The following AMBRA1 variants were observed in gnomAD, a reference collection of about 807,000 sequenced individuals.
The protein encoded by AMBRA1 is activating molecule in BECN1-regulated autophagy protein 1.
Under a neutral mutation model 125.4 loss-of-function variants are expected in AMBRA1, and 47 were observed. The observed-to-expected ratio is 0.37, with a 90% CI of 0.30 to 0.48. The LOEUF is 0.48. Ranked by LOEUF, AMBRA1 falls within the 20% of genes least tolerant of loss-of-function variation. The probability of loss-of-function intolerance (pLI) is 0.99; values close to 1 mark genes in which losing one functional copy is unlikely to be tolerated. For missense variants in AMBRA1, 1,331 were observed against 1,693.4 expected, an observed-to-expected ratio of 0.79 and a Z score of 3.76; for synonymous variants, 626 against 655.5, an observed-to-expected ratio of 0.95 and a Z score of 0.69.
In AMBRA1 at chr11:46,542,839, C is replaced by T. The variant is rs773779272; in HGVS notation, c.1178G>A (p.Arg393His). ...LRNLSLGPTR[R>H]SLGGPLSSHP... ...GCTAGACAGAGGCCCTCCCAAAGAG[C>T]GGCGGGTAGGACCCAGACTGAGGTT... Residue 393 changes from arginine to histidine, a missense_variant, in exon 7 of 18, where the codon CGC (arginine) becomes CAC (histidine). Physicochemically the swap from Arg to His is conservative, Grantham distance 29. Coordinates refer to ENST00000683756, the MANE Select transcript of AMBRA1 (RefSeq NM_001387011.1). This position sits in a 1 kb window ranked among gnomAD's most constrained non-coding sequence, Gnocchi z 5.9. 10 of 1,613,810 alleles carry T rather than the reference C, an allele frequency of 6.2e-6. No individual in the cohort carries two copies. The highest frequency in any genetic ancestry group is 1.7e-5 in the Admixed American group (1 of 60,000).
rs540074108 is a variant in AMBRA1 at position 46,426,247 on chromosome 11, A to T, written c.2976+7227T>A. On this transcript the variant is annotated intron_variant, in intron 14 of 17. Coordinates refer to ENST00000683756, the MANE Select transcript of AMBRA1 (RefSeq NM_001387011.1). Reference sequence around the variant, plus strand: ...GGACATGCAGAGAAACCCAGGGCACATGAGATTTCAAAGTAACACACACTT... The same window carrying T: ...GGACATGCAGAGAAACCCAGGGCACTTGAGATTTCAAAGTAACACACACTT... Among the ~76,000 whole-genome samples the T allele has an allele frequency of 6.3e-4, 96 of 152,264 alleles. 2 individuals are homozygous for T. In the South Asian group the frequency reaches 0.019, roughly 31 times the overall value.
intron 12 of AMBRA1, among the ~76,000 whole-genome samples, chr11:46,435,925 T>A (rs552043088): frequency 3.5e-4 from 53 of 152,320 alleles, no homozygotes; most frequent in African/African-American, 1.3e-3. Context: ...ACCGTGTGAT[T>A]CCCTGCCAGG....
intron 15 of AMBRA1, among the ~76,000 whole-genome samples, chr11:46,412,712 A>G (rs918922363): frequency 2.0e-5 from 3 of 152,156 alleles, no homozygotes; most frequent in Admixed American, 6.5e-5. Flanking sequence ...TTCCTCTTCT[A>G]AACAGCCATT....
At chr11:46,481,323 G>A (rs776100533) in intron 11 of AMBRA1, among the ~76,000 whole-genome samples, 158 of 152,168 alleles carry the variant, frequency 1.0e-3, no homozygotes, top group Non-Finnish European at 1.8e-3. Flanking sequence ...GAAAGGATCT[G>A]CGACAAGGAT....
At chr11:46,580,206 G>T (rs1171661052) in intron 1 of AMBRA1, among the ~76,000 whole-genome samples, 4 of 152,118 alleles carry the variant, frequency 2.6e-5, no homozygotes, top group Non-Finnish European at 5.9e-5. Flanking sequence ...TCCTATGTTG[G>T]TTTCTCTAAT....
intron 7 of AMBRA1, among the ~76,000 whole-genome samples, chr11:46,538,469 CA>C (rs541804851): frequency 6.6e-6 from 1 of 151,982 alleles, no homozygotes; most frequent in Non-Finnish European, 1.5e-5. Context: ...AATACTTAAA[CA>C]AAAAATTATG....
At chr11:46,430,316 A>C (rs1019214584) in intron 14 of AMBRA1, among the ~76,000 whole-genome samples, 4 of 152,242 alleles carry the variant, frequency 2.6e-5, no homozygotes, top group African/African-American at 4.8e-5. Context: ...CACCATGCAC[A>C]AAACCACAAT....
At chr11:46,460,324 C>CTTT (rs397847968) in intron 11 of AMBRA1, among the ~76,000 whole-genome samples, 49 of 139,914 alleles carry the variant, frequency 3.5e-4, no homozygotes, top group Non-Finnish European at 6.3e-4. Context: ...AAACACAACT[C>CTTT]TTTTTTTTTT....
At chr11:46,543,474 C>T in intron 6 of AMBRA1, 76 bp from the exon 7 acceptor site, 1 of 1,544,578 alleles carries the variant, frequency 6.5e-7, no homozygotes, top group Non-Finnish European at 8.8e-7. Flanking sequence ...TCAAGAAAAA[C>T]TAACCACTGA....
intron 1 of AMBRA1, among the ~76,000 whole-genome samples, chr11:46,578,293 C>A (rs529215464): frequency 6.4e-4 from 97 of 151,784 alleles, no homozygotes; most frequent in Non-Finnish European, 1.1e-3. Context: ...TCGAGACCAG[C>A]TGGGTCAACA....
At chr11:46,579,045 T>TAAAAAAAAAAA (rs11393945) in intron 1 of AMBRA1, among the ~76,000 whole-genome samples, 3 of 68,026 alleles carry the variant, frequency 4.4e-5, no homozygotes, top group African/African-American at 1.1e-4. Context: ...AAGAAAGCAA[T>TAAAAAAAAAAA]AAAAAAAAAA....
chr11:46,535,334 T>C (rs1482859434), intron 7 of AMBRA1, among the ~76,000 whole-genome samples: 9 of 152,122 alleles, frequency 5.9e-5, no homozygotes, highest in Admixed American at 5.9e-4. Flanking sequence ...AACTTTCTGC[T>C]AACTAACATA....
At chr11:46,408,740 G>C in intron 16 of AMBRA1, 34 bp from the exon 17 acceptor site, 1 of 1,493,104 alleles carries the variant, frequency 6.7e-7, no homozygotes, top group South Asian at 1.4e-5. Flanking sequence ...AGTCAGATGG[G>C]GCTTGGGACA....
At chr11:46,398,639 CAGCT>C (rs1945570400) in intron 17 of AMBRA1, among the ~76,000 whole-genome samples, 1 of 152,084 alleles carries the variant, frequency 6.6e-6, no homozygotes, top group South Asian at 2.1e-4. Flanking sequence ...CCACCACACC[CAGCT>C]AATTTTATAT....
intron 7 of AMBRA1, among the ~76,000 whole-genome samples, chr11:46,520,100 T>C (rs185096189): frequency 4.5e-4 from 67 of 149,664 alleles, no homozygotes; most frequent in Middle Eastern, 3.5e-3. Flanking sequence ...GATGGCGCCA[T>C]TGCACTCCAG....
chr11:46,429,021 G>T, intron 14 of AMBRA1: 1 of 1,611,944 alleles, frequency 6.2e-7, no homozygotes, highest in South Asian at 1.1e-5. Flanking sequence ...TTCATGACAT[G>T]AAGGTTGGGC....
chr11:46,480,721 C>A (rs1242515237), intron 11 of AMBRA1, among the ~76,000 whole-genome samples: 1 of 152,152 alleles, frequency 6.6e-6, no homozygotes, highest in African/African-American at 2.4e-5. Flanking sequence ...AGGCTCTTTG[C>A]TCTACAACTT....
chr11:46,557,484 G>T (rs1187547676), intron 1 of AMBRA1, among the ~76,000 whole-genome samples: 5 of 152,166 alleles, frequency 3.3e-5, no homozygotes, highest in African/African-American at 2.4e-5. Flanking sequence ...TCATATAAAA[G>T]ATCTTACCAC....
intron 11 of AMBRA1, among the ~76,000 whole-genome samples, chr11:46,449,210 A>G (rs765813738): frequency 2.5e-4 from 38 of 152,254 alleles, no homozygotes; most frequent in Middle Eastern, 6.8e-3. Flanking sequence ...ACCACCCCCC[A>G]CCGCAAAACA....
Sources: allele counts gnomAD v4.1 joint callset (sites outside exome capture counted in the v4.1 genomes callset), GRCh38; gene constraint gnomAD v4.1.1; non-coding constraint Gnocchi (gnomAD v3.1); transcripts MANE v1.5; gene names NCBI Gene and HGNC (gene_info 2026-07-23, HGNC 2026-07-21).